MAP4K3: variants seen among roughly 807,000 people sequenced by gnomAD.
MAP4K3 encodes MAPK/ERK kinase kinase kinase 3.
A neutral mutation model predicts 143.5 loss-of-function variants in MAP4K3; 94 were observed. The ratio of observed to expected loss-of-function variants is 0.65; its 90% CI spans 0.55 to 0.78. The LOEUF (loss-of-function observed/expected upper bound fraction) is 0.78, where lower values mean the gene tolerates loss of function less well. MAP4K3 is among the 30% of genes least tolerant of loss of function. The pLI is 0.00. For missense variants in MAP4K3, 1,077 were observed against 1,068.1 expected, an observed-to-expected ratio of 1.01 and a Z score of -0.12; for synonymous variants, 416 against 347.2, an observed-to-expected ratio of 1.20 and a Z score of -2.20.
chr2:39,387,863 T>G (rs1573228501), intron 1 of MAP4K3, among the ~76,000 whole-genome samples: 1 of 151,976 alleles, frequency 6.6e-6, no homozygotes, highest in African/African-American at 2.4e-5. Flanking sequence ...AAGATCTACA[T>G]TTCTAGGACT....
At chr2:39,283,369 C>A (rs937785166) in intron 21 of MAP4K3, among the ~76,000 whole-genome samples, 1 of 152,146 alleles carries the variant, frequency 6.6e-6, no homozygotes, top group Admixed American at 6.5e-5. Flanking sequence ...AATTTGCATG[C>A]CTCTGACTGC....
chr2:39,386,814 G>A (rs1179223467), intron 1 of MAP4K3, among the ~76,000 whole-genome samples: 2 of 59,092 alleles, frequency 3.4e-5, no homozygotes, highest in Non-Finnish European at 6.9e-5. Flanking sequence ...AATTTTTTTT[G>A]TTGTTCTTTT....
At chr2:39,419,490 TCAACA>T (rs1248506438) in intron 1 of MAP4K3, among the ~76,000 whole-genome samples, 1 of 152,108 alleles carries the variant, frequency 6.6e-6, no homozygotes, top group African/African-American at 2.4e-5. Flanking sequence ...CTAAAGAAAC[TCAACA>T]CAAACAATAC....
chr2:39,358,743 A>G (rs1665681282), intron 2 of MAP4K3, among the ~76,000 whole-genome samples: 1 of 152,244 alleles, frequency 6.6e-6, no homozygotes, highest in Non-Finnish European at 1.5e-5. Context: ...AATCCAAAGG[A>G]TTTAAAGAAC....
chr2:39,349,385 G>T (rs529951693), intron 3 of MAP4K3, among the ~76,000 whole-genome samples: 112 of 152,202 alleles, frequency 7.4e-4, no homozygotes, highest in African/African-American at 2.6e-3. Flanking sequence ...TACTCAGGGG[G>T]ATACAAGCTG....
intron 3 of MAP4K3, among the ~76,000 whole-genome samples, chr2:39,345,123 A>C (rs1665250033): frequency 6.6e-6 from 1 of 152,218 alleles, no homozygotes; most frequent in Admixed American, 6.5e-5. Flanking sequence ...CTGTAATCTC[A>C]GTAACACAGG....
intron 8 of MAP4K3, 100 bp from the exon 9 acceptor site, chr2:39,326,377 C>A: frequency 7.7e-7 from 1 of 1,301,526 alleles, no homozygotes; most frequent in Non-Finnish European, 1.1e-6. Flanking sequence ...AAATTAAGGC[C>A]TCTTTAGGCC....
At chr2:39,429,369 G>A (rs1289672643) in intron 1 of MAP4K3, among the ~76,000 whole-genome samples, 5 of 152,282 alleles carry the variant, frequency 3.3e-5, no homozygotes, top group African/African-American at 1.2e-4. Flanking sequence ...AAGACTCAAT[G>A]TTTTTAAGAT....
At chr2:39,291,222 C>T (rs909929189) in intron 18 of MAP4K3, among the ~76,000 whole-genome samples, 5 of 152,076 alleles carry the variant, frequency 3.3e-5, no homozygotes, top group African/African-American at 4.8e-5. Context: ...TGTATCAAAA[C>T]GTTACTATGT....
chr2:39,282,669 A>T lies in MAP4K3; in HGVS notation c.1588-115T>A, dbSNP rs1047735134. On this transcript the variant is annotated intron_variant, in intron 21 of 33. Coordinates refer to ENST00000263881, the MANE Select transcript of MAP4K3 (RefSeq NM_003618.4). ...TACATGAATACATTCTTTGTAAAAC[A>T]AAACATTACAGTTAAGGCTGAAGTT... 9.9e-6 allele frequency: 7 copies of T among 707,392 alleles called. No homozygotes were observed. In the African/African-American group the frequency reaches 1.1e-4, roughly 11 times the overall value. The allele number at this position is 707,392 out of a possible 1,614,324, so 43.8% of individuals were successfully genotyped here.
chr2:39,395,386 C>T (rs1419811494), intron 1 of MAP4K3, among the ~76,000 whole-genome samples: 1 of 151,824 alleles, frequency 6.6e-6, no homozygotes, highest in Admixed American at 6.6e-5. Flanking sequence ...TTTATTCAGG[C>T]TACACAGCAA....
chr2:39,365,185 T>C (rs1042508348), intron 2 of MAP4K3, among the ~76,000 whole-genome samples: 1 of 152,204 alleles, frequency 6.6e-6, no homozygotes, highest in Non-Finnish European at 1.5e-5. Flanking sequence ...TGGAATTCTG[T>C]GTCTTATTGC....
chr2:39,260,854 C>T lies in MAP4K3; in HGVS notation c.2137-77G>A, dbSNP rs775315215. ...ATTCTATGAGAATACTATAAAACAG[C>T]TTTCTACAATAAAGACTGCATCTTG... On this transcript the variant is annotated intron_variant, in intron 28 of 33. Transcript: ENST00000263881. The T allele has an allele frequency of 7.2e-6, 7 of 973,308 alleles. No individual in the cohort carries two copies. The East Asian group carries it at 1.8e-4, about 25-fold the overall frequency. 60.3% of individuals were successfully genotyped at this position (973,308 alleles called of 1,614,324 possible).
chr2:39,290,588 G>A (rs1682001407), intron 18 of MAP4K3, among the ~76,000 whole-genome samples: 1 of 151,980 alleles, frequency 6.6e-6, no homozygotes, highest in Non-Finnish European at 1.5e-5. Context: ...TCTTACTCAT[G>A]TGGAAGCTAA....
At position 39,420,080 on chromosome 2, in the gene MAP4K3, T is replaced by A. The variant is rs7598583; in HGVS notation, c.96+16812A>T. On this transcript the variant is annotated intron_variant, in intron 1 of 33. Coordinates refer to ENST00000263881, the MANE Select transcript of MAP4K3 (RefSeq NM_003618.4). ...GAAGAGGAGTATGAACCCCCTGGCC[T>A]AGGGTCAGAGAGAGATTCTAAGTCA... is the stretch of plus-strand genomic sequence containing the variant. 3.9e-5 allele frequency among the ~76,000 whole-genome samples: 6 copies of A among 152,152 alleles called. No individual in the cohort carries two copies. In the South Asian group the frequency reaches 1.2e-3, roughly 32 times the overall value.
intron 31 of MAP4K3, among the ~76,000 whole-genome samples, chr2:39,257,157 C>T (rs1259746687): frequency 6.6e-6 from 1 of 152,150 alleles, no homozygotes; most frequent in Non-Finnish European, 1.5e-5. Context: ...CACATACACG[C>T]AAATATCTTT....
In MAP4K3 at chr2:39,378,141, A is replaced by G. The variant is rs773572099; in HGVS notation, c.97-18T>C. The G allele has an allele frequency of 6.7e-7, 1 of 1,485,932 alleles. No homozygotes were observed. The highest frequency in any genetic ancestry group is 9.2e-7 in the Non-Finnish European group (1 of 1,081,826). The allele number at this position is 1,485,932 out of a possible 1,614,324, so 92.0% of individuals were successfully genotyped here. On this transcript the variant is annotated intron_variant, in intron 1 of 33. Transcript: ENST00000263881. ...TTCCGTGCCTAAAAGAAAGAGGAAA[A>G]AAGGATTATTGTGAAGAAAGCTTTC... is the stretch of plus-strand genomic sequence containing the variant.
chr2:39,385,551 CAT>C lies in MAP4K3; in HGVS notation c.97-7430_97-7429del, dbSNP rs140387430. Among the ~76,000 whole-genome samples the C allele has an allele frequency of 4.9e-3, 545 of 111,100 alleles. 3 individuals are homozygous for C. The highest frequency in any genetic ancestry group is 0.022 in the African/African-American group (473 of 21,920). 72.9% of individuals were successfully genotyped at this position (111,100 alleles called of 152,430 possible). The stretch of plus-strand genomic sequence containing the variant: ...TTCTTACTGAGTTATGAGCGTTCTT[CAT>C]ATATATATATATATATATATATATA... On this transcript the variant is annotated intron_variant, in intron 1 of 33. Transcript: ENST00000263881.
chr2:39,287,455 G>A (rs1329288880), intron 20 of MAP4K3, among the ~76,000 whole-genome samples: 2 of 152,082 alleles, frequency 1.3e-5, no homozygotes, highest in African/African-American at 2.4e-5. Context: ...GCGCTACCAC[G>A]CCCAGCTAAT....
Sources: allele counts gnomAD v4.1 joint callset (sites outside exome capture counted in the v4.1 genomes callset), GRCh38; gene constraint gnomAD v4.1.1; transcripts MANE v1.5; gene names NCBI Gene and HGNC (gene_info 2026-07-23, HGNC 2026-07-21).